NRXN1: variants seen among roughly 807,000 people sequenced by gnomAD.
NRXN1 encodes the protein neurexin 1.
NRXN1 carries 39 observed loss-of-function variants against 150.9 expected under a neutral mutation model. The observed-to-expected ratio is 0.26, with a 90% CI of 0.20 to 0.34. The LOEUF is 0.34. Among genes scored for constraint, NRXN1 ranks in the 10% least tolerant of loss-of-function variants. The probability of loss-of-function intolerance (pLI) is 1.00; values close to 1 mark genes in which losing one functional copy is unlikely to be tolerated. For missense variants in NRXN1, 1,815 were observed against 1,949.9 expected (o/e 0.93, Z 1.30); for synonymous variants, 924 against 757.0 (o/e 1.22, Z -3.62).
intron 17 of NRXN1, among the ~76,000 whole-genome samples, chr2:50,274,025 G>A (rs1418824553): frequency 6.6e-6 from 1 of 151,932 alleles, no homozygotes; most frequent in Admixed American, 6.6e-5. Context: ...CCCATTACTG[G>A]GTATATACCC....
intron 19 of NRXN1, among the ~76,000 whole-genome samples, chr2:50,081,483 T>C (rs1437804388): frequency 1.3e-5 from 2 of 152,094 alleles, no homozygotes; most frequent in Non-Finnish European, 2.9e-5. Context: ...ACCCAGGAAG[T>C]GGAGGTTGCA....
chr2:49,950,702 A>T (rs1380883196), intron 21 of NRXN1, among the ~76,000 whole-genome samples: 2 of 151,940 alleles, frequency 1.3e-5, no homozygotes, highest in Non-Finnish European at 2.9e-5. Context: ...CAATTCACCA[A>T]TAGCATCCTT....
At chr2:50,392,045 C>T (rs1035766440) in intron 17 of NRXN1, among the ~76,000 whole-genome samples, 7 of 152,016 alleles carry the variant, frequency 4.6e-5, no homozygotes, top group Non-Finnish European at 1.0e-4. Context: ...TCAAAGTTGC[C>T]ATCTATGATA....
At chr2:50,825,220 T>C (rs758840668) in intron 5 of NRXN1, among the ~76,000 whole-genome samples, 1 of 152,178 alleles carries the variant, frequency 6.6e-6, no homozygotes, top group Non-Finnish European at 1.5e-5. Context: ...AAATGAGATA[T>C]ATACATTTGG....
At position 50,019,641 on chromosome 2, in the gene NRXN1, C is replaced by CAAAAAAAAA. The variant is rs764073226; in HGVS notation, c.4128+33621_4128+33629dup. Among the ~76,000 whole-genome samples, 250 of 25,494 alleles carry CAAAAAAAAA rather than the reference C, an allele frequency of 9.8e-3. 28 individuals carry two copies. The highest frequency in any genetic ancestry group is 0.038 in the African/African-American group (194 of 5,080). 16.7% of individuals were successfully genotyped at this position (25,494 alleles called of 152,430 possible). The stretch of plus-strand genomic sequence containing the variant: ...TGTAAGAAGGAGCAAGATTCCGTCT[C>CAAAAAAAAA]AAAAAAAAAAAAAAAAAAAAGGAGG... On this transcript the variant is annotated intron_variant, in intron 21 of 22. Coordinates refer to ENST00000401669, the MANE Select transcript of NRXN1 (RefSeq NM_001330078.2).
intron 5 of NRXN1, among the ~76,000 whole-genome samples, chr2:50,909,275 T>C (rs1021345926): frequency 6.6e-6 from 1 of 152,026 alleles, no homozygotes; most frequent in Admixed American, 6.6e-5. Flanking sequence ...TATGACTTTA[T>C]GAGGTAACAA....
At chr2:50,329,619 A>G (rs7559931) in intron 17 of NRXN1, among the ~76,000 whole-genome samples, 5,463 of 12,460 alleles carry the variant, frequency 0.44, 347 homozygotes, top group East Asian at 0.55. Context: ...GTGTGTGTGT[A>G]TATATATATA....
intron 18 of NRXN1, among the ~76,000 whole-genome samples, chr2:50,221,827 G>A (rs2063914431): frequency 1.3e-5 from 2 of 151,924 alleles, no homozygotes; most frequent in African/African-American, 4.8e-5. Context: ...CTGAGCTCAG[G>A]CTCAGGAACT....
intron 17 of NRXN1, among the ~76,000 whole-genome samples, chr2:50,384,216 T>G (rs1285725421): frequency 6.6e-6 from 1 of 152,130 alleles, no homozygotes; most frequent in Non-Finnish European, 1.5e-5. Flanking sequence ...CTTTAAACAA[T>G]GCATTCTCAG....
At chr2:50,001,681 T>A (rs1003829631) in intron 21 of NRXN1, among the ~76,000 whole-genome samples, 1 of 152,240 alleles carries the variant, frequency 6.6e-6, no homozygotes, top group Non-Finnish European at 1.5e-5. Flanking sequence ...TTAATAAACA[T>A]AAATAAGAGA....
At chr2:50,062,495 C>T (rs1427143453) in intron 19 of NRXN1, among the ~76,000 whole-genome samples, 12 of 152,016 alleles carry the variant, frequency 7.9e-5, no homozygotes, top group Non-Finnish European at 1.0e-4. Flanking sequence ...TATCATTGCC[C>T]AAATGGACAA....
chr2:50,209,505 G>A (rs2062857194), intron 18 of NRXN1, among the ~76,000 whole-genome samples: 2 of 152,080 alleles, frequency 1.3e-5, no homozygotes, highest in African/African-American at 4.8e-5. Context: ...GCCCAAAACT[G>A]TAAAGGTGGA....
chr2:50,195,462 G>T (rs2061698472), intron 18 of NRXN1, among the ~76,000 whole-genome samples: 1 of 152,110 alleles, frequency 6.6e-6, no homozygotes, highest in Admixed American at 6.6e-5. Flanking sequence ...CTAATAGGCT[G>T]TTGTTGTGCA....
At chr2:49,948,031 A>C (rs1459704986) in intron 21 of NRXN1, among the ~76,000 whole-genome samples, 2 of 152,086 alleles carry the variant, frequency 1.3e-5, no homozygotes, top group African/African-American at 2.4e-5. Context: ...CTCATGTTAA[A>C]ATTTGTATCA....
chr2:50,688,686 A>AT (rs140337519), intron 5 of NRXN1, among the ~76,000 whole-genome samples: 13,124 of 152,168 alleles, frequency 0.086, 649 homozygotes, highest in Middle Eastern at 0.13. Context: ...GACAATGGGC[A>AT]TTTTTTGTTG....
chr2:50,203,924 T>C (rs1490652245), intron 18 of NRXN1, among the ~76,000 whole-genome samples: 1 of 152,156 alleles, frequency 6.6e-6, no homozygotes, highest in African/African-American at 2.4e-5. Context: ...AATTCCACAG[T>C]GTTTAGGAAA....
intron 17 of NRXN1, among the ~76,000 whole-genome samples, chr2:50,246,890 A>G (rs1441317306): frequency 2.0e-5 from 3 of 152,136 alleles, no homozygotes; most frequent in Non-Finnish European, 4.4e-5. Context: ...CATCCTGAAG[A>G]AAGGGATCTT....
chr2:50,089,545 G>T (rs1013651716), intron 19 of NRXN1, among the ~76,000 whole-genome samples: 3 of 152,114 alleles, frequency 2.0e-5, no homozygotes, highest in Non-Finnish European at 4.4e-5. Context: ...CCAGCACTTT[G>T]GGAGGCCGAG....
chr2:50,303,132 A>C (rs1298452337), intron 17 of NRXN1, among the ~76,000 whole-genome samples: 1 of 152,182 alleles, frequency 6.6e-6, no homozygotes, highest in Non-Finnish European at 1.5e-5. Flanking sequence ...ATCTCATTGG[A>C]GTAACATAAT....
Sources: allele counts gnomAD v4.1 joint callset (sites outside exome capture counted in the v4.1 genomes callset), GRCh38; gene constraint gnomAD v4.1.1; transcripts MANE v1.5; gene names NCBI Gene and HGNC (gene_info 2026-07-23, HGNC 2026-07-21).